The following XRCC4 variants were observed in gnomAD, a reference collection of about 807,000 sequenced individuals.
XRCC4 encodes the protein X-ray repair cross complementing 4.
In XRCC4, 28 loss-of-function variants were observed where a neutral mutation model predicts 39.1. That is an observed-to-expected ratio of 0.72 (90% CI 0.53 to 0.98). The LOEUF (loss-of-function observed/expected upper bound fraction) is 0.98. Among genes scored for constraint, XRCC4 ranks in the 50% least tolerant of loss-of-function variants. The pLI is 0.00. For synonymous variants in XRCC4, 123 were observed against 126.4 expected (o/e 0.97, Z 0.18); for missense variants, 350 against 376.4 (o/e 0.93, Z 0.58).
At chr5:83,261,471 T>A (rs576589010) in intron 7 of XRCC4, among the ~76,000 whole-genome samples, 1 of 152,158 alleles carries the variant, frequency 6.6e-6, no homozygotes, top group South Asian at 2.1e-4. Flanking sequence ...GCCCTTCTGA[T>A]TGCATGACCT....
chr5:83,269,670 A>T (rs1192251493), intron 7 of XRCC4, among the ~76,000 whole-genome samples: 2 of 152,168 alleles, frequency 1.3e-5, no homozygotes, highest in African/African-American at 4.8e-5. Context: ...CACATAGTAG[A>T]TATTCAATAA....
intron 1 of XRCC4, among the ~76,000 whole-genome samples, chr5:83,093,921 T>G (rs1178932622): frequency 6.6e-6 from 1 of 152,078 alleles, no homozygotes; most frequent in Non-Finnish European, 1.5e-5. Flanking sequence ...CCGAGCAGTT[T>G]GAATATATCA....
At chr5:83,368,567 A>G in the XRCC4 span, among the ~76,000 whole-genome samples, 1 of 152,200 alleles carries the variant, frequency 6.6e-6, no homozygotes, top group Non-Finnish European at 1.5e-5. Context: ...GGTGTGGCTA[A>G]CGATGACTAA....
chr5:83,128,686 T>C (rs1747401984), intron 3 of XRCC4, among the ~76,000 whole-genome samples: 1 of 152,208 alleles, frequency 6.6e-6, no homozygotes, highest in Non-Finnish European at 1.5e-5. Context: ...TAAGATGATA[T>C]CTCATTGTGG....
chr5:83,132,787 C>CT (rs1487905910), intron 3 of XRCC4, among the ~76,000 whole-genome samples: 8 of 152,048 alleles, frequency 5.3e-5, no homozygotes, highest in African/African-American at 1.9e-4. Context: ...TTCATCTCAT[C>CT]TTTTTTCAAG....
intron 3 of XRCC4, among the ~76,000 whole-genome samples, chr5:83,178,769 G>A (rs1372180332): frequency 6.6e-6 from 1 of 152,098 alleles, no homozygotes; most frequent in Non-Finnish European, 1.5e-5. Context: ...GAGGATAATC[G>A]ACATCAGAGT....
At chr5:83,357,638 G>A (rs1757204299), downstream of XRCC4, among the ~76,000 whole-genome samples, 1 of 152,184 alleles carries the variant, frequency 6.6e-6, no homozygotes, top group African/African-American at 2.4e-5. Context: ...AGGTATTTTA[G>A]TAGTGTGAAC....
At chr5:83,286,288 T>C (rs928851709) in intron 7 of XRCC4, among the ~76,000 whole-genome samples, 4 of 152,152 alleles carry the variant, frequency 2.6e-5, no homozygotes, top group African/African-American at 9.6e-5. Flanking sequence ...TTGTCACCTT[T>C]ATTCTAGGCC....
At chr5:83,361,820 C>T in the XRCC4 span, among the ~76,000 whole-genome samples, 1 of 151,994 alleles carries the variant, frequency 6.6e-6, no homozygotes, top group African/African-American at 2.4e-5. Context: ...TGGGGTTTCA[C>T]CAGGTTGGCC....
At chr5:83,095,305 G>C (rs1484300764) in intron 1 of XRCC4, among the ~76,000 whole-genome samples, 3 of 152,118 alleles carry the variant, frequency 2.0e-5, no homozygotes, top group Non-Finnish European at 4.4e-5. Context: ...ATCAGCCTTG[G>C]CCACAGGGTG....
intron 6 of XRCC4, among the ~76,000 whole-genome samples, chr5:83,222,416 T>C (rs1425516703): frequency 2.6e-5 from 4 of 152,178 alleles, no homozygotes; most frequent in Non-Finnish European, 5.9e-5. Flanking sequence ...GCCTTATATT[T>C]TTAGACCTCA....
At chr5:83,359,599 C>T in the XRCC4 span, among the ~76,000 whole-genome samples, 1 of 152,254 alleles carries the variant, frequency 6.6e-6, no homozygotes, top group Non-Finnish European at 1.5e-5. Flanking sequence ...TACACATATC[C>T]TTAGAAATCA....
At chr5:83,181,525 G>A (rs28360104) in intron 3 of XRCC4, among the ~76,000 whole-genome samples, 69,280 of 151,758 alleles carry the variant, frequency 0.46, 16,257 homozygotes, top group South Asian at 0.52. Flanking sequence ...TTGTTACTTT[G>A]GAGTGATATG....
At chr5:83,225,266 G>A (rs1034428692) in intron 6 of XRCC4, among the ~76,000 whole-genome samples, 1 of 152,082 alleles carries the variant, frequency 6.6e-6, no homozygotes, top group African/African-American at 2.4e-5. Context: ...CTCTTAAGTT[G>A]TAGCTGTTAT....
chr5:83,373,935 A>G, the XRCC4 span, among the ~76,000 whole-genome samples: 1 of 152,188 alleles, frequency 6.6e-6, no homozygotes, highest in Non-Finnish European at 1.5e-5. Context: ...TTTAAAGAAA[A>G]ATATATGGAT....
In XRCC4 at chr5:83,185,439, T is replaced by A. The variant is rs1360559665; in HGVS notation, c.316-10331T>A. 4.2e-5 allele frequency among the ~76,000 whole-genome samples: 6 copies of A among 144,238 alleles called. No homozygotes were observed. In the South Asian group the frequency reaches 8.8e-4, roughly 21 times the overall value. 94.6% of individuals were successfully genotyped at this position (144,238 alleles called of 152,430 possible). ...AGTATGTATTATATATATATATATA[T>A]AAAACTTAATGAGTTTGTTGGTAAG... On this transcript the variant is annotated intron_variant, in intron 3 of 7. Transcript: ENST00000396027.
chr5:83,261,050 A>AT (rs1753729134), intron 7 of XRCC4, among the ~76,000 whole-genome samples: 2 of 151,880 alleles, frequency 1.3e-5, no homozygotes, highest in African/African-American at 2.4e-5. Flanking sequence ...TTTTTTTCTT[A>AT]TTTTTTTATA....
At chr5:83,198,517 A>C (rs1288775081) in intron 4 of XRCC4, among the ~76,000 whole-genome samples, 4 of 152,174 alleles carry the variant, frequency 2.6e-5, no homozygotes. Flanking sequence ...ATTTATATAG[A>C]GAGTATCTGG....
intron 7 of XRCC4, among the ~76,000 whole-genome samples, chr5:83,340,271 T>TGATA (rs2112197740): frequency 1.5e-4 from 1 of 6,872 alleles, no homozygotes; most frequent in East Asian, 0.029. Flanking sequence ...AAGACTAGAG[T>TGATA]GGTAGAATAG....
Sources: allele counts gnomAD v4.1 joint callset (sites outside exome capture counted in the v4.1 genomes callset), GRCh38; gene constraint gnomAD v4.1.1; transcripts MANE v1.5; gene names NCBI Gene and HGNC (gene_info 2026-07-23, HGNC 2026-07-21).